Variants in BAZ2B observed in about 807,000 individuals in gnomAD.
BAZ2B encodes bromodomain adjacent to zinc finger domain 2B, also known as bromodomain adjacent to zinc finger domain protein 2B.
Under a neutral mutation model 246.0 loss-of-function variants are expected in BAZ2B, and 91 were observed. That is an observed-to-expected ratio of 0.37 (90% CI 0.31 to 0.44). BAZ2B has a LOEUF of 0.44. BAZ2B is among the 20% of genes least tolerant of loss of function. The pLI is 1.00. For missense variants in BAZ2B, 2,332 were observed against 2,533.7 expected (o/e 0.92, Z 1.71); for synonymous variants, 855 against 860.0 (o/e 0.99, Z 0.10).
At chr2:159,520,446 T>C (rs1247190595) in intron 2 of BAZ2B, among the ~76,000 whole-genome samples, 1 of 152,178 alleles carries the variant, frequency 6.6e-6, no homozygotes, top group Non-Finnish European at 1.5e-5. Context: ...TAGCTATATA[T>C]TACTATATAA....
At chr2:159,590,073 G>C (rs530485275) in intron 1 of BAZ2B, among the ~76,000 whole-genome samples, 29 of 151,386 alleles carry the variant, frequency 1.9e-4, no homozygotes, top group Admixed American at 1.5e-3. Flanking sequence ...TGTAATCCCA[G>C]CAACTTGGGA....
At chr2:159,707,875 G>A in the BAZ2B span, among the ~76,000 whole-genome samples, 10 of 151,604 alleles carry the variant, frequency 6.6e-5, no homozygotes, top group East Asian at 1.9e-4. Flanking sequence ...CCTGTAATCC[G>A]AGCTACTCGG....
chr2:159,641,394 G>A, the BAZ2B span, among the ~76,000 whole-genome samples: 2 of 152,064 alleles, frequency 1.3e-5, no homozygotes, highest in Non-Finnish European at 2.9e-5. Context: ...CATGTCCTTT[G>A]CCCGCTTTTT....
chr2:159,551,420 GACTACACCACTGC>G (rs920118557), intron 2 of BAZ2B, among the ~76,000 whole-genome samples: 3 of 125,888 alleles, frequency 2.4e-5, no homozygotes, highest in African/African-American at 3.1e-5. Context: ...AGTGGGCCAA[GACTACACCACTGC>G]ACTCCAGCCT....
chr2:159,411,396 G>C (rs969455340), intron 14 of BAZ2B, among the ~76,000 whole-genome samples: 1 of 152,092 alleles, frequency 6.6e-6, no homozygotes, highest in African/African-American at 2.4e-5. Flanking sequence ...TATTATGATG[G>C]TGTTTACAAT....
At chr2:159,548,724 A>G (rs2087714229) in intron 2 of BAZ2B, among the ~76,000 whole-genome samples, 1 of 152,162 alleles carries the variant, frequency 6.6e-6, no homozygotes, top group Admixed American at 6.6e-5. Context: ...GCTTGAGGCC[A>G]GGAGTTTGAG....
intron 2 of BAZ2B, among the ~76,000 whole-genome samples, chr2:159,522,223 A>T (rs945907857): frequency 1.3e-5 from 2 of 152,126 alleles, no homozygotes. Flanking sequence ...ATTTAATGTG[A>T]TGTATCTTAA....
chr2:159,466,270 T>A (rs1054989584), intron 3 of BAZ2B, among the ~76,000 whole-genome samples: 1 of 152,172 alleles, frequency 6.6e-6, no homozygotes, highest in East Asian at 1.9e-4. Context: ...AGTCACTTGA[T>A]TATTACCAGA....
In BAZ2B at chr2:159,324,835, A is replaced by T; in HGVS notation, c.6329T>A (p.Ile2110Asn). The T allele has an allele frequency of 6.6e-7, 1 of 1,508,812 alleles. No homozygotes were observed. 93.5% of individuals were successfully genotyped at this position (1,508,812 alleles called of 1,614,324 possible). A position where few individuals can be genotyped will look rare whatever the true frequency, so the allele number is the denominator to read the frequency against. ...VIKKPMDFST[I>N]REKLSSGQYP... ...CTGTCCACTACTTAGTTTCTCTCTA[A>T]TTGTGGAAAAATCCATAGGCTTCTT... Residue 2110 changes from isoleucine to asparagine, a missense_variant, in exon 36 of 37, where the codon ATT (isoleucine) becomes AAT (asparagine). Coordinates refer to ENST00000392783, the MANE Select transcript of BAZ2B (RefSeq NM_013450.4).
intron 13 of BAZ2B, among the ~76,000 whole-genome samples, chr2:159,415,974 T>C (rs1374544899): frequency 2.0e-5 from 3 of 152,194 alleles, no homozygotes; most frequent in Non-Finnish European, 2.9e-5. Context: ...TGAGGTTGAA[T>C]AGACAGCAAA....
At chr2:159,561,982 G>A (rs1053558250) in intron 1 of BAZ2B, among the ~76,000 whole-genome samples, 1 of 152,044 alleles carries the variant, frequency 6.6e-6, no homozygotes, top group Non-Finnish European at 1.5e-5. Context: ...ATTATGGCTT[G>A]GTATTTAAAA....
At chr2:159,446,720 C>G (rs1247175642) in intron 6 of BAZ2B, 62 bp downstream of exon 6, 1 of 1,404,514 alleles carries the variant, frequency 7.1e-7, no homozygotes, top group African/African-American at 1.4e-5. Flanking sequence ...TTGATTTGAC[C>G]TTCAGAATGC....
chr2:159,474,288 A>G (rs2078213780), intron 3 of BAZ2B, among the ~76,000 whole-genome samples: 1 of 152,152 alleles, frequency 6.6e-6, no homozygotes, highest in African/African-American at 2.4e-5. Flanking sequence ...TTCTTTTTGC[A>G]TTGATCCCTT....
At chr2:159,624,281 C>A in the BAZ2B span, among the ~76,000 whole-genome samples, 3 of 152,336 alleles carry the variant, frequency 2.0e-5, no homozygotes, top group South Asian at 6.2e-4. Context: ...CAGAAGTAAA[C>A]GTCCCTGCCT....
At chr2:159,598,868 A>T (rs1275960071) in intron 1 of BAZ2B, among the ~76,000 whole-genome samples, 3 of 152,182 alleles carry the variant, frequency 2.0e-5, no homozygotes, top group African/African-American at 7.2e-5. Context: ...GTAAATAAAT[A>T]AATAAAATAT....
chr2:159,419,366 G>A (rs565884247), intron 13 of BAZ2B, among the ~76,000 whole-genome samples: 1 of 152,252 alleles, frequency 6.6e-6, no homozygotes, highest in East Asian at 1.9e-4. Context: ...TTAACATCAT[G>A]AGAAAAAAAT....
At chr2:159,639,582 ATTTG>A in the BAZ2B span, among the ~76,000 whole-genome samples, 2 of 152,116 alleles carry the variant, frequency 1.3e-5, no homozygotes, top group Non-Finnish European at 2.9e-5. Flanking sequence ...TCTCTCTCAT[ATTTG>A]TTTGTTTATG....
intron 14 of BAZ2B, among the ~76,000 whole-genome samples, chr2:159,410,230 CT>C (rs2066603234): frequency 1.3e-5 from 2 of 152,128 alleles, no homozygotes; most frequent in African/African-American, 4.8e-5. Context: ...AATTTATTGA[CT>C]TTTTAACCTT....
chr2:159,405,443 C>A (rs994901123), intron 14 of BAZ2B, among the ~76,000 whole-genome samples: 7 of 152,008 alleles, frequency 4.6e-5, no homozygotes, highest in African/African-American at 1.5e-4. Flanking sequence ...ATCTCCTGAC[C>A]TCATGATCTG....
Sources: allele counts gnomAD v4.1 joint callset (sites outside exome capture counted in the v4.1 genomes callset), GRCh38; gene constraint gnomAD v4.1.1; transcripts MANE v1.5; gene names NCBI Gene and HGNC (gene_info 2026-07-23, HGNC 2026-07-21).